Variants in SEL1L3 observed in about 807,000 individuals in gnomAD.
The protein encoded by SEL1L3 is protein sel-1 homolog 3.
In SEL1L3, 76 loss-of-function variants were observed where a neutral mutation model predicts 142.8. That is an observed-to-expected ratio of 0.53 (90% CI 0.44 to 0.64). The LOEUF (loss-of-function observed/expected upper bound fraction) is 0.64. Ranked by LOEUF, SEL1L3 falls within the 30% of genes least tolerant of loss-of-function variation. SEL1L3 has a pLI of 0.00. For missense variants in SEL1L3, 1,262 were observed against 1,381.7 expected, an observed-to-expected ratio of 0.91 and a Z score of 1.37; for synonymous variants, 504 against 519.6, an observed-to-expected ratio of 0.97 and a Z score of 0.41.
chr4:25,782,530 C>T, intron 14 of SEL1L3, 112 bp from the exon 15 acceptor site: 2 of 930,282 alleles, frequency 2.1e-6, no homozygotes, highest in South Asian at 3.7e-5. Context: ...CCTTCCCTTT[C>T]TCTTATTTTG....
Position 25,855,161 on chromosome 4 carries a change from A to C in SEL1L3, c.163-7297T>G, listed in dbSNP as rs184280732. Among the ~76,000 whole-genome samples, 341 of 152,242 alleles carry C rather than the reference A, an allele frequency of 2.2e-3. 1 individual carries two copies. Among genetic ancestry groups the C allele is most frequent in the Non-Finnish European group, 4.0e-3 (272 of 68,028 alleles). ...CCAACACTGATTAGCAACACATCAC[A>C]CTCTAAATATTGATTAAGCTGAAGC... is the stretch of plus-strand genomic sequence containing the variant. On this transcript the variant is annotated intron_variant, in intron 1 of 23. Coordinates refer to ENST00000399878, the MANE Select transcript of SEL1L3 (RefSeq NM_015187.5).
At chr4:25,796,964 GAGA>G (rs1712804805) in intron 11 of SEL1L3, among the ~76,000 whole-genome samples, 1 of 150,874 alleles carries the variant, frequency 6.6e-6, no homozygotes, top group Non-Finnish European at 1.5e-5. Context: ...AAGAGGGAGA[GAGA>G]AGAAGGGGTA....
rs992687176 is a variant in SEL1L3, at chr4:25,765,488, C to T, written c.2846-53G>A. 11 of 1,177,910 alleles carry T rather than the reference C, an allele frequency of 9.3e-6. No individual in the cohort carries two copies. In the African/African-American group the frequency reaches 1.1e-4, roughly 11 times the overall value. The allele number at this position is 1,177,910 out of a possible 1,614,324, so 73.0% of individuals were successfully genotyped here. On this transcript the variant is annotated intron_variant, in intron 19 of 23. Transcript: ENST00000399878. ...TGTCAAGTGGTTTTTTTTATACCAA[C>T]ATTTTAAATTATTGGCGCATTCACA...
At chr4:25,732,658 C>T in the SEL1L3 span, among the ~76,000 whole-genome samples, 51 of 152,136 alleles carry the variant, frequency 3.4e-4, no homozygotes, top group Middle Eastern at 3.4e-3. Context: ...AGTTTGTTTG[C>T]CTCCCGCCCC....
chr4:25,782,991 A>C (rs1560296444), intron 14 of SEL1L3, among the ~76,000 whole-genome samples: 2 of 152,234 alleles, frequency 1.3e-5, no homozygotes, highest in African/African-American at 4.8e-5. Context: ...AAGAATGAGA[A>C]TCATATAACA....
At chr4:25,847,889 G>A in intron 1 of SEL1L3, 25 bp from the exon 2 acceptor site, 1 of 1,384,888 alleles carries the variant, frequency 7.2e-7, no homozygotes, top group Non-Finnish European at 9.7e-7. Flanking sequence ...AAGAAAGTAA[G>A]AAATACAGAA....
chr4:25,731,687 T>C, the SEL1L3 span, among the ~76,000 whole-genome samples: 10,961 of 152,256 alleles, frequency 0.072, 823 homozygotes, highest in African/African-American at 0.19. Flanking sequence ...TGCTGAATAA[T>C]ATGCCATTGT....
At chr4:25,843,271 G>C (rs1160484222) in intron 2 of SEL1L3, among the ~76,000 whole-genome samples, 1 of 151,324 alleles carries the variant, frequency 6.6e-6, no homozygotes, top group Admixed American at 6.6e-5. Context: ...TGCACTGGCT[G>C]CTGGTGGGGG....
downstream of SEL1L3, among the ~76,000 whole-genome samples, chr4:25,744,339 T>C (rs1213620037): frequency 2.2e-5 from 3 of 136,744 alleles, no homozygotes; most frequent in Non-Finnish European, 3.2e-5. Context: ...TGAGGTCATA[T>C]GTGTGAGTCT....
intron 17 of SEL1L3, among the ~76,000 whole-genome samples, chr4:25,772,821 G>A (rs945427737): frequency 6.6e-6 from 1 of 151,652 alleles, no homozygotes. Flanking sequence ...TTTTTGAAAG[G>A]GAGTCTTGCT....
At chr4:25,795,874 TCAAA>T (rs1249769852) in intron 11 of SEL1L3, among the ~76,000 whole-genome samples, 1 of 151,616 alleles carries the variant, frequency 6.6e-6, no homozygotes, top group Non-Finnish European at 1.5e-5. Context: ...GTCCATTCAT[TCAAA>T]CAGTTTTGTG....
chr4:25,717,512 A>T, the SEL1L3 span, among the ~76,000 whole-genome samples: 11 of 152,048 alleles, frequency 7.2e-5, no homozygotes, highest in Non-Finnish European at 1.6e-4. Context: ...CTAAAAATAC[A>T]AAAAATTGCC....
At chr4:25,797,113 G>C (rs1712818961) in intron 11 of SEL1L3, among the ~76,000 whole-genome samples, 1 of 149,918 alleles carries the variant, frequency 6.7e-6, no homozygotes, top group African/African-American at 2.5e-5. Context: ...GGAAAAGAGA[G>C]AAAGAGAAGG....
In SEL1L3 at chr4:25,783,575, CAT is replaced by C. The variant is rs370692292; in HGVS notation, c.2280+651_2280+652del. Among the ~76,000 whole-genome samples, 80 of 152,200 alleles carry C rather than the reference CAT, an allele frequency of 5.3e-4. 1 individual carries two copies. Among genetic ancestry groups the C allele is most frequent in the African/African-American group, 1.5e-3 (63 of 41,452 alleles). ...ATTTGGACATCGGTATGCATGCACACATGAGTGTGCACATGTGGCTGTGCATG... is the reference window on the plus strand; with the variant it reads ...ATTTGGACATCGGTATGCATGCACACGAGTGTGCACATGTGGCTGTGCATG... On this transcript the variant is annotated intron_variant, in intron 14 of 23. Coordinates refer to ENST00000399878, the MANE Select transcript of SEL1L3 (RefSeq NM_015187.5).
chr4:25,728,860 C>CAAAAAAA, the SEL1L3 span, among the ~76,000 whole-genome samples: 1 of 95,124 alleles, frequency 1.1e-5, no homozygotes, highest in Non-Finnish European at 2.3e-5. Flanking sequence ...AGACTTGTGT[C>CAAAAAAA]AAAAAAAAAA....
At chr4:25,848,882 C>T (rs999004141) in intron 1 of SEL1L3, among the ~76,000 whole-genome samples, 7 of 152,180 alleles carry the variant, frequency 4.6e-5, no homozygotes, top group African/African-American at 1.4e-4. Context: ...CTCATGCCTT[C>T]AATCCCATAA....
the SEL1L3 span, among the ~76,000 whole-genome samples, chr4:25,739,538 C>A: frequency 2.6e-5 from 4 of 152,040 alleles, no homozygotes; most frequent in Middle Eastern, 3.2e-3. Context: ...AATCCCATCG[C>A]TACTAAAAAT....
chr4:25,800,212 C>T (rs1398930248), intron 11 of SEL1L3, among the ~76,000 whole-genome samples: 1 of 152,172 alleles, frequency 6.6e-6, no homozygotes, highest in Admixed American at 6.5e-5. Flanking sequence ...TCTCTGTCTT[C>T]TCATTTACTA....
intron 23 of SEL1L3, among the ~76,000 whole-genome samples, chr4:25,751,274 A>G (rs1329965202): frequency 6.6e-6 from 1 of 152,198 alleles, no homozygotes; most frequent in Non-Finnish European, 1.5e-5. Context: ...GCAACAGGTG[A>G]GGAAAGGAGC....
Sources: gnomAD v4.1 joint callset for allele counts (sites outside exome capture counted in the v4.1 genomes callset) on GRCh38, gnomAD v4.1.1 for gene constraint, MANE v1.5 for transcripts, NCBI Gene and HGNC (gene_info 2026-07-23, HGNC 2026-07-21) for gene names.